DCBLD1: variants seen among roughly 807,000 people sequenced by gnomAD.
DCBLD1 encodes the protein discoidin, CUB and LCCL domain containing 1.
Under a neutral mutation model 71.5 loss-of-function variants are expected in DCBLD1, and 57 were observed. That is an observed-to-expected ratio of 0.80 (90% CI 0.64 to 0.99). The LOEUF (loss-of-function observed/expected upper bound fraction) is 0.99, where lower values mean the gene tolerates loss of function less well. DCBLD1 is among the 50% of genes least tolerant of loss of function. The pLI is 0.00. For missense variants in DCBLD1, 891 were observed against 923.5 expected (o/e 0.96, Z 0.46); for synonymous variants, 380 against 363.8 (o/e 1.04, Z -0.51).
Position 117,548,411 on chromosome 6 carries a change from A to G in DCBLD1, c.2120A>G (p.Asn707Ser), listed in dbSNP as rs1484641206. Reference protein sequence around the residue: ...SAPRDCLTPLNQTAMTALL With the variant: ...SAPRDCLTPLSQTAMTALL ...CCCAGAGACTGCCTCACACCCCTCA[A>G]CCAGACGGCCATGACTGCCCTTTTG... The change falls in exon 15 of 15, where the codon AAC becomes AGC. Residue 707 changes from asparagine to serine, a missense_variant. Transcript: ENST00000338728. The G allele has an allele frequency of 1.9e-6, 3 of 1,550,494 alleles. No homozygotes were observed. Among genetic ancestry groups the G allele is most frequent in the African/African-American group, 2.7e-5 (2 of 73,032 alleles).
chr6:117,518,635 G>A (rs1219824164), intron 2 of DCBLD1, among the ~76,000 whole-genome samples: 1 of 152,176 alleles, frequency 6.6e-6, no homozygotes, highest in Non-Finnish European at 1.5e-5. Context: ...CATGGTAGAA[G>A]GCAAAAGACA....
intron 1 of DCBLD1, among the ~76,000 whole-genome samples, chr6:117,499,414 AAG>A (rs1446090958): frequency 6.6e-6 from 1 of 151,238 alleles, no homozygotes; most frequent in East Asian, 1.9e-4. Flanking sequence ...CAAAAAGAAA[AAG>A]AAAAAAAAAA....
chr6:117,553,955 G>C (rs1299687090), downstream of DCBLD1, among the ~76,000 whole-genome samples: 1 of 152,158 alleles, frequency 6.6e-6, no homozygotes, highest in Non-Finnish European at 1.5e-5. Context: ...TTTCTAAATG[G>C]AGATAATAAT....
intron 2 of DCBLD1, among the ~76,000 whole-genome samples, chr6:117,510,570 C>T (rs1238212075): frequency 6.6e-6 from 1 of 152,126 alleles, no homozygotes; most frequent in Non-Finnish European, 1.5e-5. Context: ...CCAGGAATTA[C>T]GTTTTATTCA....
At chr6:117,544,392 C>T (rs1458571852) in intron 12 of DCBLD1, 136 bp from the exon 13 acceptor site, 1 of 663,822 alleles carries the variant, frequency 1.5e-6, no homozygotes, top group African/African-American at 1.9e-5. Context: ...TTCTAAAGCA[C>T]ATGGCAGCTG....
chr6:117,561,866 A>G, intron 14 of DCBLD1: 1 of 206,922 alleles, frequency 4.8e-6, no homozygotes, highest in Non-Finnish European at 9.9e-6. Context: ...CATTTTATAG[A>G]TTTACCCTTG....
At chr6:117,561,430 G>A in intron 14 of DCBLD1, 2 of 223,316 alleles carry the variant, frequency 9.0e-6, no homozygotes, top group Non-Finnish European at 1.8e-5. Flanking sequence ...AGAATAACAT[G>A]GTTTCATGTC....
chr6:117,527,308 C>G (rs184225565), intron 5 of DCBLD1, among the ~76,000 whole-genome samples: 49 of 152,284 alleles, frequency 3.2e-4, no homozygotes, highest in Admixed American at 8.5e-4. Flanking sequence ...AGAGGGGATA[C>G]AGGGAGCAGG....
intron 1 of DCBLD1, among the ~76,000 whole-genome samples, chr6:117,488,680 C>G (rs2114360586): frequency 1.3e-5 from 2 of 152,306 alleles, no homozygotes; most frequent in South Asian, 4.1e-4. Context: ...CTGAAAAGAA[C>G]CGGGAATCTC....
chr6:117,493,561 A>AGT (rs1777368841), intron 1 of DCBLD1, among the ~76,000 whole-genome samples: 1 of 152,256 alleles, frequency 6.6e-6, no homozygotes, highest in Admixed American at 6.5e-5. Flanking sequence ...TTTTGAGACA[A>AGT]AAAGAGTATG....
intron 14 of DCBLD1, chr6:117,561,960 T>C (rs1779592424): frequency 4.8e-6 from 1 of 207,482 alleles, no homozygotes; most frequent in East Asian, 7.4e-5. Context: ...AAGATACTGA[T>C]AATATTCTAA....
chr6:117,548,940 G>A lies in DCBLD1; in HGVS notation c.*501G>A, dbSNP rs868169026. 1 of 988,490 alleles carries A rather than the reference G, an allele frequency of 1.0e-6. No homozygotes were observed. Among genetic ancestry groups the A allele is most frequent in the Non-Finnish European group, 1.2e-6 (1 of 831,922 alleles). 61.2% of individuals were successfully genotyped at this position (988,490 alleles called of 1,614,324 possible). On this transcript the variant is annotated 3_prime_UTR_variant, in exon 15 of 15. Transcript: ENST00000338728. ...TTAAACCTAGTCTTGTTGTTATTGA[G>A]TCATTTCCTCTCCTTTGATAACTAG...
chr6:117,524,719 T>G (rs1323696383), intron 4 of DCBLD1, among the ~76,000 whole-genome samples: 1 of 152,218 alleles, frequency 6.6e-6, no homozygotes, highest in Non-Finnish European at 1.5e-5. Flanking sequence ...TTGGTATTTA[T>G]TTCTGTTTAT....
At chr6:117,525,309 T>C in intron 4 of DCBLD1, 53 bp from the exon 5 acceptor site, 1 of 1,330,612 alleles carries the variant, frequency 7.5e-7, no homozygotes, top group Non-Finnish European at 9.7e-7. Flanking sequence ...CAGTTTAATT[T>C]TTTTGGTTGT....
intron 1 of DCBLD1, chr6:117,484,809 A>G (rs1252016215): frequency 1.3e-5 from 2 of 152,218 alleles, no homozygotes; most frequent in Non-Finnish European, 2.9e-5. Flanking sequence ...TAATCAATAC[A>G]ATTAATTAAT....
chr6:117,503,974 A>C lies in DCBLD1; in HGVS notation c.320A>C (p.Gln107Pro), dbSNP rs1437379296. ...CTTCTCTTCACCAGCTCTTCAGATC[A>C]ATATGGTAAGAAAAGAGAACTAGGT... ...DYLLFTSSSDQYGPYCGSMTV... is the reference protein window; with the variant it reads ...DYLLFTSSSDPYGPYCGSMTV... Residue 107 changes from glutamine to proline, a missense_variant, in exon 2 of 15, where the codon CAA becomes CCA. By Grantham distance (76) the Gln-to-Pro change is moderately conservative (BLOSUM62 -1). Coordinates refer to ENST00000338728, the MANE Select transcript of DCBLD1 (RefSeq NM_001366458.2). 2 of 1,614,084 alleles carry C rather than the reference A, an allele frequency of 1.2e-6. No individual in the cohort carries two copies.
At chr6:117,488,336 T>C (rs966548240) in intron 1 of DCBLD1, among the ~76,000 whole-genome samples, 8 of 151,718 alleles carry the variant, frequency 5.3e-5, no homozygotes, top group Non-Finnish European at 7.4e-5. Flanking sequence ...TAGGAAACAC[T>C]GTGCAGGTAT....
intron 2 of DCBLD1, among the ~76,000 whole-genome samples, chr6:117,505,450 G>A (rs1777808753): frequency 6.6e-6 from 1 of 152,150 alleles, no homozygotes; most frequent in African/African-American, 2.4e-5. Flanking sequence ...GGGTCTCTTG[G>A]GGGAAGCATC....
At chr6:117,569,495 C>T (rs549018581) in intron 14 of DCBLD1, 33 of 1,529,814 alleles carry the variant, frequency 2.2e-5, no homozygotes, top group South Asian at 2.1e-4. Context: ...TTAGAAACTT[C>T]GTAGGGAAGT....
Sources: allele counts gnomAD v4.1 joint callset (sites outside exome capture counted in the v4.1 genomes callset), GRCh38; gene constraint gnomAD v4.1.1; transcripts MANE v1.5; gene names NCBI Gene and HGNC (gene_info 2026-07-23, HGNC 2026-07-21).